Variants in RAB40B observed in about 807,000 individuals in gnomAD.
RAB40B encodes RAB40B, member RAS oncogene family, also known as ras-related protein Rab-40B.
In RAB40B, 21 loss-of-function variants were observed where a neutral mutation model predicts 24.0. That is an observed-to-expected ratio of 0.88 (90% CI 0.62 to 1.26). The LOEUF (loss-of-function observed/expected upper bound fraction) is 1.26, where lower values mean the gene tolerates loss of function less well. Among genes scored for constraint, RAB40B ranks in the 50% most tolerant of loss-of-function variants. RAB40B has a pLI of 0.00. For missense variants in RAB40B, 348 were observed against 390.5 expected (o/e 0.89, Z 0.92); for synonymous variants, 167 against 169.8 (o/e 0.98, Z 0.13).
At chr17:82,678,831 C>T (rs2046419905) in intron 1 of RAB40B, among the ~76,000 whole-genome samples, 1 of 150,406 alleles carries the variant, frequency 6.6e-6, no homozygotes, top group South Asian at 2.1e-4. Context: ...AAAATGCTCA[C>T]ATCTGACTTT....
chr17:82,677,625 G>A (rs112179385), intron 1 of RAB40B, among the ~76,000 whole-genome samples: 8 of 152,260 alleles, frequency 5.3e-5, no homozygotes, highest in East Asian at 1.9e-4. Flanking sequence ...CTGCCTTCCC[G>A]TGTCCACCTT....
Position 82,658,701 on chromosome 17 carries a change from C to T in RAB40B, c.355G>A (p.Val119Ile), listed in dbSNP as rs761656142. Residue 119 changes from valine to isoleucine, a missense_variant, in exon 5 of 6, where the codon GTC becomes ATC. Physicochemically the swap from Val to Ile is conservative, Grantham distance 29. Coordinates refer to ENST00000571995, the MANE Select transcript of RAB40B (RefSeq NM_006822.3). The stretch of plus-strand genomic sequence containing the variant: ...CGGTTCCCCACCAGGATCTTGGGGA[C>T]TCCGGGGGCATGCTAGCGGGCAGGA... ...IKEIDEHAPG[V>I]PKILVGNRLH... 9 of 1,609,360 alleles carry T rather than the reference C, an allele frequency of 5.6e-6. No individual in the cohort carries two copies. The highest frequency in any genetic ancestry group is 2.2e-5 in the East Asian group (1 of 44,796).
chr17:82,687,064 T>C (rs2046509990), intron 1 of RAB40B, among the ~76,000 whole-genome samples: 1 of 151,982 alleles, frequency 6.6e-6, no homozygotes, highest in Non-Finnish European at 1.5e-5. Context: ...TGGAAGACTC[T>C]TGTCTGTGGG....
At chr17:82,668,761 C>CCG (rs1220492488) in intron 1 of RAB40B, among the ~76,000 whole-genome samples, 4 of 152,254 alleles carry the variant, frequency 2.6e-5, no homozygotes, top group Admixed American at 6.5e-5. Context: ...ACAGAGACGC[C>CCG]CGCGTCTAGA....
intron 1 of RAB40B, chr17:82,696,299 C>T (rs1296827805): frequency 1.3e-5 from 2 of 152,406 alleles, no homozygotes; most frequent in African/African-American, 4.8e-5. Context: ...GCAGCAGAAG[C>T]ATCCCCGAGC....
intron 1 of RAB40B, among the ~76,000 whole-genome samples, chr17:82,670,102 TAATCC>T (rs2046314399): frequency 6.6e-6 from 1 of 151,976 alleles, no homozygotes; most frequent in Non-Finnish European, 1.5e-5. Flanking sequence ...TTCCGGAGAT[TAATCC>T]ACTGCCTGAG....
At chr17:82,669,845 G>A (rs79957862) in intron 1 of RAB40B, among the ~76,000 whole-genome samples, 65 of 152,254 alleles carry the variant, frequency 4.3e-4, no homozygotes, top group East Asian at 2.1e-3. Flanking sequence ...TCCTGCAGCC[G>A]TCAGCAATGA....
intron 1 of RAB40B, among the ~76,000 whole-genome samples, chr17:82,693,944 G>A (rs1019670540): frequency 9.3e-5 from 14 of 151,274 alleles, no homozygotes; most frequent in African/African-American, 2.9e-4. Context: ...TTAGCCAGGC[G>A]TGGTGGCGCA....
intron 2 of RAB40B, chr17:82,661,957 C>G (rs1458470028): frequency 2.0e-6 from 2 of 985,108 alleles, no homozygotes; most frequent in Non-Finnish European, 2.4e-6. Flanking sequence ...GGATCAGTTC[C>G]CAGAGGAGGC....
At chr17:82,673,816 G>T (rs2046364880) in intron 1 of RAB40B, among the ~76,000 whole-genome samples, 1 of 152,082 alleles carries the variant, frequency 6.6e-6, no homozygotes, top group South Asian at 2.1e-4. Flanking sequence ...TCTCAATTTT[G>T]GGGAACTTTC....
At position 82,658,131 on chromosome 17, in the gene RAB40B, A is replaced by C. The variant is rs1207791360; in HGVS notation, c.569T>G (p.Leu190Arg). 1 of 1,613,010 alleles carries C rather than the reference A, an allele frequency of 6.2e-7. No individual in the cohort carries two copies. Among genetic ancestry groups the C allele is most frequent in the Non-Finnish European group, 8.5e-7 (1 of 1,179,470 alleles). The change falls in exon 6 of 6, where the codon CTG becomes CGG. Residue 190 changes from leucine (L) to arginine (R), a missense_variant. By Grantham distance (102) the Leu-to-Arg change is moderately radical. Transcript: ENST00000571995. ...MDRLWRPSKVLSLQDLCCRAV... is the reference protein window; with the variant it reads ...MDRLWRPSKVRSLQDLCCRAV... ...CCGGCAGCAGAGGTCTTGCAAGCTC[A>C]GCACTTGGGAGAGAAAAGATAAACC...
At chr17:82,690,485 T>G (rs1185847411) in intron 1 of RAB40B, among the ~76,000 whole-genome samples, 2 of 128,582 alleles carry the variant, frequency 1.6e-5, no homozygotes, top group Non-Finnish European at 3.2e-5. Flanking sequence ...TGTGCACGTG[T>G]GTTGCCGGGG....
chr17:82,695,320 T>A (rs2046598110), intron 1 of RAB40B, among the ~76,000 whole-genome samples: 1 of 151,112 alleles, frequency 6.6e-6, no homozygotes, highest in Non-Finnish European at 1.5e-5. Context: ...GCCTCCCAAG[T>A]AGCTGGGATT....
intron 1 of RAB40B, chr17:82,696,562 T>C (rs1462746217): frequency 5.9e-6 from 1 of 169,394 alleles, no homozygotes; most frequent in Non-Finnish European, 1.3e-5. Flanking sequence ...CAAAGCCCTG[T>C]CCTCCAGGCG....
In RAB40B at chr17:82,660,483, G is replaced by A. The variant is rs2046154240; in HGVS notation, c.264+504C>T. 4.8e-5 allele frequency among the ~76,000 whole-genome samples: 6 copies of A among 123,860 alleles called. No homozygotes were observed. In the South Asian group the frequency reaches 1.3e-3, roughly 26 times the overall value. 81.3% of individuals were successfully genotyped at this position (123,860 alleles called of 152,430 possible). ...ATACACAGTGCAAGTACCTGCACACGTGTACACATACACGCACATGCAGGC... is the reference window on the plus strand; with the variant it reads ...ATACACAGTGCAAGTACCTGCACACATGTACACATACACGCACATGCAGGC... On this transcript the variant is annotated intron_variant, in intron 3 of 5. Transcript: ENST00000571995.
chr17:82,664,987 G>A (rs898479855), intron 1 of RAB40B: 4 of 183,666 alleles, frequency 2.2e-5, no homozygotes, highest in Non-Finnish European at 4.6e-5. Context: ...CGGGGCTAAG[G>A]CAGCGGCTCT....
At chr17:82,685,026 A>T (rs1425756942) in intron 1 of RAB40B, among the ~76,000 whole-genome samples, 1 of 151,752 alleles carries the variant, frequency 6.6e-6, no homozygotes, top group Admixed American at 6.6e-5. Flanking sequence ...AGGCAGGAGA[A>T]TCGCTTGAAT....
rs2046389819 is a variant in RAB40B at position 82,675,963 on chromosome 17, C to CTT, written c.143-11408_143-11407insAA. Among the ~76,000 whole-genome samples, 1 of 152,110 alleles carries CTT rather than the reference C, an allele frequency of 6.6e-6. No individual in the cohort carries two copies. Among genetic ancestry groups the CTT allele is most frequent in the South Asian group, 2.1e-4 (1 of 4,826 alleles). On this transcript the variant is annotated intron_variant, in intron 1 of 5. Coordinates refer to ENST00000571995, the MANE Select transcript of RAB40B (RefSeq NM_006822.3). This position sits in a 1 kb window ranked among gnomAD's most constrained non-coding sequence, Gnocchi z 4.5. ...GTGACGACCTGAAGCCCCTGGTACT[C>CTT]TGAGTCTCCTGGTACGGGACGGTGA...
intron 1 of RAB40B, among the ~76,000 whole-genome samples, chr17:82,684,429 C>A (rs2046477022): frequency 6.6e-6 from 1 of 152,120 alleles, no homozygotes; most frequent in African/African-American, 2.4e-5. Flanking sequence ...CAACTCCACC[C>A]CTGGATATTT....
Sources: gnomAD v4.1 joint callset for allele counts (sites outside exome capture counted in the v4.1 genomes callset) on GRCh38, gnomAD v4.1.1 for gene constraint, Gnocchi (gnomAD v3.1) non-coding constraint, MANE v1.5 for transcripts, NCBI Gene and HGNC (gene_info 2026-07-23, HGNC 2026-07-21) for gene names.